RBFOX3: variants seen among roughly 807,000 people sequenced by gnomAD.
RBFOX3 encodes RNA binding protein fox-1 homolog 3.
A neutral mutation model predicts 48.7 loss-of-function variants in RBFOX3; 17 were observed. The observed-to-expected ratio is 0.35, with a 90% CI of 0.24 to 0.52. The LOEUF is 0.52. Among genes scored for constraint, RBFOX3 ranks in the 20% least tolerant of loss-of-function variants. The pLI is 0.94. For missense variants in RBFOX3, 382 were observed against 497.5 expected (o/e 0.77, Z 2.21); for synonymous variants, 212 against 209.5 (o/e 1.01, Z -0.10).
chr17:79,092,958 G>GC (rs1318408727), intron 14 of RBFOX3, among the ~76,000 whole-genome samples: 1 of 77,520 alleles, frequency 1.3e-5, no homozygotes, highest in African/African-American at 8.1e-5. Context: ...CTTATGCAGA[G>GC]GGGGGGTCCC....
chr17:79,262,073 T>A (rs4789977), intron 3 of RBFOX3, among the ~76,000 whole-genome samples: 16,271 of 152,272 alleles, frequency 0.11, 1,228 homozygotes, highest in South Asian at 0.22. Flanking sequence ...TTCTTTTGAG[T>A]TATTTGAGTA....
chr17:79,107,431 CAAA>C (rs2077591926), intron 5 of RBFOX3, among the ~76,000 whole-genome samples: 1 of 152,224 alleles, frequency 6.6e-6, no homozygotes, highest in East Asian at 1.9e-4. Context: ...GATGGGCTCC[CAAA>C]GACTTGGGTC....
intron 3 of RBFOX3, among the ~76,000 whole-genome samples, chr17:79,296,681 C>T (rs755622470): frequency 2.8e-4 from 42 of 151,724 alleles, no homozygotes; most frequent in Non-Finnish European, 5.2e-4. Context: ...TCCTCCCCTC[C>T]CTCCTCCCCT....
At chr17:79,159,919 CG>C (rs528620141) in intron 4 of RBFOX3, among the ~76,000 whole-genome samples, 107 of 152,292 alleles carry the variant, frequency 7.0e-4, no homozygotes, top group Middle Eastern at 6.8e-3. Flanking sequence ...GCGTGTCCGC[CG>C]AGTGTTCCAG....
At chr17:79,305,265 G>A (rs757661073) in intron 3 of RBFOX3, among the ~76,000 whole-genome samples, 3 of 152,078 alleles carry the variant, frequency 2.0e-5, no homozygotes, top group Non-Finnish European at 2.9e-5. Flanking sequence ...GGAACCCTGC[G>A]GCCGGCCAAG....
At position 79,451,357 on chromosome 17, in the gene RBFOX3, G is replaced by A. The variant is rs556810393; in HGVS notation, c.-175+31097C>T. Among the ~76,000 whole-genome samples, 10 of 152,274 alleles carry A rather than the reference G, an allele frequency of 6.6e-5. No homozygotes were observed. In the South Asian group the frequency reaches 1.7e-3, roughly 25 times the overall value. ...TGACAATCACAGGCAAAGACGTGCCGGGAAGACGTTGTCACCTCCGCCGAG... is the reference window on the plus strand; with the variant it reads ...TGACAATCACAGGCAAAGACGTGCCAGGAAGACGTTGTCACCTCCGCCGAG... On this transcript the variant is annotated intron_variant, in intron 2 of 14. Transcript: ENST00000693108.
At chr17:79,321,954 C>T (rs1281040997) in intron 2 of RBFOX3, among the ~76,000 whole-genome samples, 1 of 152,158 alleles carries the variant, frequency 6.6e-6, no homozygotes, top group Non-Finnish European at 1.5e-5. Context: ...GATCCACCCG[C>T]CTTGGCCTCC....
chr17:79,182,876 T>C (rs1306603802), intron 4 of RBFOX3, among the ~76,000 whole-genome samples: 67 of 149,242 alleles, frequency 4.5e-4, no homozygotes, highest in Admixed American at 4.4e-3. Context: ...CCAGGGAGGA[T>C]GCCCCGCTCC....
At chr17:79,272,592 G>A (rs995896956) in intron 3 of RBFOX3, among the ~76,000 whole-genome samples, 1 of 152,172 alleles carries the variant, frequency 6.6e-6, no homozygotes, top group Non-Finnish European at 1.5e-5. Flanking sequence ...GTTTCCTGAG[G>A]AGGGGGTAGG....
intron 1 of RBFOX3, among the ~76,000 whole-genome samples, chr17:79,495,700 G>T (rs2081410907): frequency 7.1e-6 from 1 of 141,432 alleles, no homozygotes; most frequent in South Asian, 2.4e-4. Context: ...CATAAAGGTG[G>T]TTGGGGGCAC....
chr17:79,397,386 G>A (rs996490941), intron 2 of RBFOX3, among the ~76,000 whole-genome samples: 10 of 152,024 alleles, frequency 6.6e-5, no homozygotes, highest in East Asian at 3.9e-4. Flanking sequence ...CCAGCTACTC[G>A]GGGGTCTGAG....
intron 4 of RBFOX3, among the ~76,000 whole-genome samples, chr17:79,157,770 A>G (rs1407707120): frequency 6.6e-6 from 1 of 152,160 alleles, no homozygotes; most frequent in Non-Finnish European, 1.5e-5. Flanking sequence ...AGCTCGGCAC[A>G]TGCTGGCCCA....
At chr17:79,584,828 C>G (rs1025905609) in intron 1 of RBFOX3, among the ~76,000 whole-genome samples, 2 of 151,782 alleles carry the variant, frequency 1.3e-5, no homozygotes, top group African/African-American at 4.8e-5. Context: ...TGCAGTGGCA[C>G]GATCTCAGCT....
the RBFOX3 span, among the ~76,000 whole-genome samples, chr17:79,663,631 G>T: frequency 1.3e-5 from 2 of 152,206 alleles, no homozygotes; most frequent in Non-Finnish European, 2.9e-5. Flanking sequence ...TTCATCTGCA[G>T]ACAGAATACT....
chr17:79,322,124 GAAA>G (rs1568038742), intron 2 of RBFOX3, among the ~76,000 whole-genome samples: 1 of 152,096 alleles, frequency 6.6e-6, no homozygotes, highest in African/African-American at 2.4e-5. Flanking sequence ...TCAGGGCCAG[GAAA>G]AAAGAGATGG....
intron 2 of RBFOX3, among the ~76,000 whole-genome samples, chr17:79,454,517 T>G (rs1598763450): frequency 6.6e-6 from 1 of 151,712 alleles, no homozygotes; most frequent in East Asian, 1.9e-4. Context: ...GCACCCCCAA[T>G]CTCTAGCTAT....
intron 2 of RBFOX3, among the ~76,000 whole-genome samples, chr17:79,476,821 A>G (rs6501312): frequency 0.52 from 78,221 of 151,070 alleles, 20,761 homozygotes; most frequent in South Asian, 0.59. Flanking sequence ...TGGCGGGGAC[A>G]GAGAGAGACA....
intron 1 of RBFOX3, among the ~76,000 whole-genome samples, chr17:79,586,017 T>C (rs943343169): frequency 3.9e-5 from 6 of 152,222 alleles, no homozygotes; most frequent in Admixed American, 1.3e-4. Flanking sequence ...ATTCCCAGCA[T>C]GGAGGCTTGC....
Position 79,364,808 on chromosome 17 carries a change from C to T in RBFOX3, c.-174-56984G>A, listed in dbSNP as rs554604960. ...AGCCCCAGGATGACTACCCAGCCCA[C>T]GCATGTGGCCTTACCTACAGCCTGG... On this transcript the variant is annotated intron_variant, in intron 2 of 14. Transcript: ENST00000693108. This position sits in a 1 kb window ranked among gnomAD's most constrained non-coding sequence, Gnocchi z 5.1. 4.7e-4 allele frequency among the ~76,000 whole-genome samples: 72 copies of T among 152,292 alleles called. No homozygotes were observed. Among genetic ancestry groups the T allele is most frequent in the Non-Finnish European group, 3.4e-4 (23 of 68,028 alleles).
Sources: allele counts gnomAD v4.1 joint callset (sites outside exome capture counted in the v4.1 genomes callset), GRCh38; gene constraint gnomAD v4.1.1; non-coding constraint Gnocchi (gnomAD v3.1); transcripts MANE v1.5; gene names NCBI Gene and HGNC (gene_info 2026-07-23, HGNC 2026-07-21).